The following C1QTNF8 variants were observed in gnomAD, a reference collection of about 807,000 sequenced individuals.
C1QTNF8 encodes the protein C1q and TNF related 8.
C1QTNF8 carries 27 observed loss-of-function variants against 19.2 expected under a neutral mutation model. The ratio of observed to expected loss-of-function variants is 1.41; its 90% CI spans 1.04 to 1.94. The LOEUF is 1.94. C1QTNF8 is among the 30% of genes most tolerant of loss of function. The pLI is 0.00. For missense variants in C1QTNF8, 484 were observed against 374.4 expected (o/e 1.29, Z -2.42); for synonymous variants, 208 against 172.8 (o/e 1.20, Z -1.60).
chr16:1,095,031 A>G (rs1960655676), intron 2 of C1QTNF8, 98 bp from the exon 3 acceptor site: 3 of 486,740 alleles, frequency 6.2e-6, no homozygotes, highest in Non-Finnish European at 1.0e-5. Context: ...TTGGGAATAC[A>G]GCCAGTGGAG....
intron 4 of C1QTNF8, among the ~76,000 whole-genome samples, chr16:1,091,440 C>T (rs1960542189): frequency 1.3e-5 from 2 of 152,086 alleles, no homozygotes; most frequent in Admixed American, 1.3e-4. Flanking sequence ...AGGCCCAGGT[C>T]AGGTGGAGGT....
chr16:1,093,945 C>A lies in C1QTNF8; in HGVS notation c.315G>T (p.Val105=). Residue 105 remains valine (V), a synonymous_variant, in exon 4 of 5, where the codon GTG becomes GTT. Coordinates refer to ENST00000328449, the MANE Select transcript of C1QTNF8 (RefSeq NM_207419.3). The part of the protein sequence containing the change: ...LQGRRGQKGQ[V]GPPGAACRRA... ...GTCGGCACGCGGCGCCCGGCGGCCC[C>A]ACCTGCCCCTTCTGGCCTCTGCGGC... 1 of 1,502,862 alleles carries A rather than the reference C, an allele frequency of 6.7e-7. No individual in the cohort carries two copies. Among genetic ancestry groups the A allele is most frequent in the Non-Finnish European group, 8.8e-7 (1 of 1,137,546 alleles). 93.1% of individuals were successfully genotyped at this position (1,502,862 alleles called of 1,614,324 possible).
rs1216086922 is a variant in C1QTNF8 at position 1,088,878 on chromosome 16, G to A, written c.*1721C>T. On this transcript the variant is annotated 3_prime_UTR_variant, in exon 5 of 5. Transcript: ENST00000328449. ...ATAGGCCACGGCGACGTCTGTGCGG[G>A]GAGGTCCAGCCTGTCCCTCGGAATA... 8.4e-6 allele frequency among the ~76,000 whole-genome samples: 1 copy of A among 119,460 alleles called. No individual in the cohort carries two copies. Among genetic ancestry groups the A allele is most frequent in the South Asian group, 2.4e-4 (1 of 4,168 alleles). 78.4% of individuals were successfully genotyped at this position (119,460 alleles called of 152,430 possible).
At chr16:1,093,342 T>C (rs200033816) in intron 4 of C1QTNF8, among the ~76,000 whole-genome samples, 155 bp downstream of exon 4, 1 of 147,184 alleles carries the variant, frequency 6.8e-6, no homozygotes, top group Non-Finnish European at 1.5e-5. Context: ...AACAAATCAC[T>C]GCACACAGTC....
chr16:1,091,537 C>T (rs1012463689), intron 4 of C1QTNF8, among the ~76,000 whole-genome samples: 1 of 152,126 alleles, frequency 6.6e-6, no homozygotes, highest in Non-Finnish European at 1.5e-5. Context: ...CAGAGGCTTC[C>T]AGTGACCAGA....
chr16:1,095,157 G>T (rs1960658222), intron 2 of C1QTNF8, among the ~76,000 whole-genome samples: 1 of 152,220 alleles, frequency 6.6e-6, no homozygotes, highest in South Asian at 2.1e-4. Context: ...CTGGAGTCGG[G>T]GAGTCCTGGT....
rs1486601617 is a variant in C1QTNF8 at position 1,093,984 on chromosome 16, G to A, written c.276C>T (p.Ala92=). ...GGCCTCTGCGGCCCTGCAGGCCCCG[G>A]GCGCCTGGCGGCCCCTCTTTCCCGC... ...GRSGKEGPPG[A]RGLQGRRGQK... Residue 92 remains alanine (A), a synonymous_variant, in exon 4 of 5, where the codon GCC becomes GCT. Transcript: ENST00000328449. 6.8e-7 allele frequency: 1 copy of A among 1,468,016 alleles called. No individual in the cohort carries two copies. The highest frequency in any genetic ancestry group is 8.9e-7 in the Non-Finnish European group (1 of 1,125,508). 90.9% of individuals were successfully genotyped at this position (1,468,016 alleles called of 1,614,324 possible). A position where few individuals can be genotyped will look rare whatever the true frequency, so the allele number is the denominator to read the frequency against.
At position 1,091,141 on chromosome 16, in the gene C1QTNF8, G is replaced by A. The variant is rs184621397; in HGVS notation, c.*5-547C>T. Among the ~76,000 whole-genome samples the A allele has an allele frequency of 9.2e-5, 14 of 152,282 alleles. No individual in the cohort carries two copies. The East Asian group carries it at 2.3e-3, about 25-fold the overall frequency. On this transcript the variant is annotated intron_variant, in intron 4 of 4. Transcript: ENST00000328449. ...TCCATGGGCCGGGATGTCCCAGAGT[G>A]GACAAGGATCAAGGGGCCGTGGGGG... is the stretch of plus-strand genomic sequence containing the variant.
Position 1,094,063 on chromosome 16 carries a change from A to T in C1QTNF8, c.209-12T>A. On this transcript the variant is annotated splice_polypyrimidine_tract_variant and intron_variant, in intron 3 of 4. Transcript: ENST00000328449. ...CTCACCCTTCTCACCTGCAGGGGAC[A>T]AACGAAAGCCACGGGTCGGGGCCGG... 2 of 1,433,090 alleles carry T rather than the reference A, an allele frequency of 1.4e-6. No individual in the cohort carries two copies. The highest frequency in any genetic ancestry group is 1.6e-5 in the South Asian group (1 of 64,254). The allele number at this position is 1,433,090 out of a possible 1,614,324, so 88.8% of individuals were successfully genotyped here. A position where few individuals can be genotyped will look rare whatever the true frequency, so the allele number is the denominator to read the frequency against.
chr16:1,094,849 G>A lies in C1QTNF8; in HGVS notation c.74C>T (p.Pro25Leu), dbSNP rs1960651478. The A allele has an allele frequency of 2.1e-6, 3 of 1,428,900 alleles. No homozygotes were observed. The highest frequency in any genetic ancestry group is 1.6e-5 in the South Asian group (1 of 61,692). 88.5% of individuals were successfully genotyped at this position (1,428,900 alleles called of 1,614,324 possible). A position where few individuals can be genotyped will look rare whatever the true frequency, so the allele number is the denominator to read the frequency against. The change falls in exon 3 of 5, where the codon CCC becomes CTC. Residue 25 changes from proline to leucine, a missense_variant. Coordinates refer to ENST00000328449, the MANE Select transcript of C1QTNF8 (RefSeq NM_207419.3). ...VGAWPGLPRR[P>L]CVHCCRPAWP... Reference sequence around the variant, plus strand: ...GGCCGGGCGGCAGCAGTGCACACAGGGCCTCCTGGGCAGCCCGGGCCAGGC... The same window carrying A: ...GGCCGGGCGGCAGCAGTGCACACAGAGCCTCCTGGGCAGCCCGGGCCAGGC...
At chr16:1,091,523 G>A (rs1947380154) in intron 4 of C1QTNF8, among the ~76,000 whole-genome samples, 1 of 152,096 alleles carries the variant, frequency 6.6e-6, no homozygotes, top group African/African-American at 2.4e-5. Context: ...GCCGGGGAGG[G>A]TAACAGAGGC....
chr16:1,092,265 CTCAA>C (rs1960560932), intron 4 of C1QTNF8, among the ~76,000 whole-genome samples: 1 of 152,214 alleles, frequency 6.6e-6, no homozygotes, highest in Non-Finnish European at 1.5e-5. Flanking sequence ...ACAGTCGGCA[CTCAA>C]TCAATCCCTG....
Position 1,093,760 on chromosome 16 carries a change from C to A in C1QTNF8, c.500G>T (p.Ser167Ile). Reference protein sequence around the residue: ...LCTVPGVYFLSLNVHTWNYKE... With the variant: ...LCTVPGVYFLILNVHTWNYKE... ...GTAGTTCCAGGTGTGCACGTTGAGG[C>A]TGAGGAAGTAGACGCCGGGCACCGT... The change falls in exon 4 of 5, where the codon AGC (serine) becomes ATC (isoleucine). Residue 167 changes from serine (S) to isoleucine (I), a missense_variant. Coordinates refer to ENST00000328449, the MANE Select transcript of C1QTNF8 (RefSeq NM_207419.3). The A allele has an allele frequency of 6.2e-7, 1 of 1,612,266 alleles. No homozygotes were observed. The highest frequency in any genetic ancestry group is 8.5e-7 in the Non-Finnish European group (1 of 1,179,708).
intron 3 of C1QTNF8, among the ~76,000 whole-genome samples, chr16:1,094,298 A>T (rs1960638704): frequency 6.6e-6 from 1 of 152,178 alleles, no homozygotes; most frequent in Non-Finnish European, 1.5e-5. Context: ...ATGGGTGGTC[A>T]GGGCCAGCTA....
At position 1,094,068 on chromosome 16, in the gene C1QTNF8, A is replaced by T; in HGVS notation, c.209-17T>A. 7.0e-7 allele frequency: 1 copy of T among 1,427,266 alleles called. No individual in the cohort carries two copies. Among genetic ancestry groups the T allele is most frequent in the Non-Finnish European group, 9.1e-7 (1 of 1,102,674 alleles). The allele number at this position is 1,427,266 out of a possible 1,614,324, so 88.4% of individuals were successfully genotyped here. ...CCTTCTCACCTGCAGGGGACAAACG[A>T]AAGCCACGGGTCGGGGCCGGGCTGG... On this transcript the variant is annotated splice_polypyrimidine_tract_variant and intron_variant, in intron 3 of 4. Coordinates refer to ENST00000328449, the MANE Select transcript of C1QTNF8 (RefSeq NM_207419.3).
In C1QTNF8 at chr16:1,089,163, C is replaced by G. The variant is rs1163544694; in HGVS notation, c.*1436G>C. Among the ~76,000 whole-genome samples, 1 of 152,162 alleles carries G rather than the reference C, an allele frequency of 6.6e-6. No individual in the cohort carries two copies. Among genetic ancestry groups the G allele is most frequent in the Non-Finnish European group, 1.5e-5 (1 of 67,994 alleles). ...GCTTCCCCAGCACAGAACAGGCAGC[C>G]TGCGAGAGGAGATGTCCTCCCTGGC... is the stretch of plus-strand genomic sequence containing the variant. On this transcript the variant is annotated 3_prime_UTR_variant, in exon 5 of 5. Coordinates refer to ENST00000328449, the MANE Select transcript of C1QTNF8 (RefSeq NM_207419.3).
intron 4 of C1QTNF8, among the ~76,000 whole-genome samples, chr16:1,092,067 G>A (rs1040757151): frequency 4.6e-5 from 7 of 152,182 alleles, no homozygotes; most frequent in Non-Finnish European, 8.8e-5. Context: ...ACCGGGCTCC[G>A]ACCACCCCAT....
intron 4 of C1QTNF8, 34 bp downstream of exon 4, chr16:1,093,463 C>CGT: frequency 1.4e-6 from 2 of 1,451,664 alleles, no homozygotes; most frequent in Non-Finnish European, 1.8e-6. Context: ...CACACGCGCG[C>CGT]GCGCGCCCGG....
In C1QTNF8 at chr16:1,094,732, T is replaced by G. The variant is rs1960647460; in HGVS notation, c.191A>C (p.Asp64Ala). The stretch of plus-strand genomic sequence containing the variant: ...GGCCTCACCTTTGAGGATTTCGATG[T>G]CTATAGTGGGCCGTACTCGAGGCAG... ...RGLPRVRPTI[D>A]IEILKGEKGE... Residue 64 changes from aspartate (D) to alanine (A), a missense_variant, in exon 3 of 5, where the codon GAC (aspartate) becomes GCC (alanine). Asp to Ala is a moderately radical substitution (Grantham distance 126). Coordinates refer to ENST00000328449, the MANE Select transcript of C1QTNF8 (RefSeq NM_207419.3). 1 of 1,586,344 alleles carries G rather than the reference T, an allele frequency of 6.3e-7. No homozygotes were observed. The highest frequency in any genetic ancestry group is 1.1e-5 in the South Asian group (1 of 88,500).
Sources: gnomAD v4.1 joint callset for allele counts (sites outside exome capture counted in the v4.1 genomes callset) on GRCh38, gnomAD v4.1.1 for gene constraint, MANE v1.5 for transcripts, NCBI Gene and HGNC (gene_info 2026-07-23, HGNC 2026-07-21) for gene names.